Variants in VPS26A observed in about 807,000 individuals in gnomAD.
The protein encoded by VPS26A is VPS26 retromer complex component A, also known as vacuolar protein sorting-associated protein 26A.
VPS26A carries 22 observed loss-of-function variants against 42.4 expected under a neutral mutation model. The ratio of observed to expected loss-of-function variants is 0.52; its 90% CI spans 0.37 to 0.74. The LOEUF is 0.74. Among genes scored for constraint, VPS26A ranks in the 30% least tolerant of loss-of-function variants. The probability of loss-of-function intolerance (pLI) is 0.00; values close to 1 mark genes in which losing one functional copy is unlikely to be tolerated. For missense variants in VPS26A, 276 were observed against 379.2 expected, an observed-to-expected ratio of 0.73 and a Z score of 2.26; for synonymous variants, 110 against 123.5, an observed-to-expected ratio of 0.89 and a Z score of 0.73.
At position 69,136,782 on chromosome 10, in the gene VPS26A, G is replaced by GTTATTTATTTATTTAT. The variant is rs373863330; in HGVS notation, c.153+3746_153+3761dup. Among the ~76,000 whole-genome samples the GTTATTTATTTATTTAT allele has an allele frequency of 2.0e-3, 299 of 151,350 alleles. 2 individuals are homozygous for GTTATTTATTTATTTAT. Among genetic ancestry groups the GTTATTTATTTATTTAT allele is most frequent in the African/African-American group, 6.7e-3 (276 of 41,028 alleles). The stretch of plus-strand genomic sequence containing the variant: ...CCTTTTTCCTTTTTTGGCCTGTTTT[G>GTTATTTATTTATTTAT]TTATTTATTTATTTATTTATTTATT... On this transcript the variant is annotated intron_variant, in intron 2 of 8. Coordinates refer to ENST00000263559, the MANE Select transcript of VPS26A (RefSeq NM_004896.5).
chr10:69,159,715 C>G (rs907101332), intron 5 of VPS26A, among the ~76,000 whole-genome samples: 2 of 152,122 alleles, frequency 1.3e-5, no homozygotes, highest in African/African-American at 4.8e-5. Flanking sequence ...ACTCTTATAT[C>G]TAAAAATATT....
chr10:69,157,930 T>A, intron 4 of VPS26A, 117 bp from the exon 5 acceptor site: 3 of 869,344 alleles, frequency 3.5e-6, no homozygotes, highest in Non-Finnish European at 5.1e-6. Flanking sequence ...AGTAAGTTGA[T>A]CCCAAAGGAG....
At chr10:69,151,184 G>A (rs1841295907) in intron 2 of VPS26A, among the ~76,000 whole-genome samples, 1 of 149,802 alleles carries the variant, frequency 6.7e-6, no homozygotes, top group South Asian at 2.1e-4. Context: ...AGAACGGTGT[G>A]AACCCAGGAG....
intron 2 of VPS26A, among the ~76,000 whole-genome samples, chr10:69,145,738 T>A (rs1054969098): frequency 6.6e-6 from 1 of 151,688 alleles, no homozygotes; most frequent in Non-Finnish European, 1.5e-5. Context: ...TTTTTTTTTT[T>A]AAATAGCCTA....
chr10:69,131,200 G>A (rs982737294), intron 1 of VPS26A, among the ~76,000 whole-genome samples: 4 of 152,220 alleles, frequency 2.6e-5, no homozygotes, highest in African/African-American at 9.6e-5. Context: ...GGCTTGTCCC[G>A]AACTGCTGAC....
intron 2 of VPS26A, among the ~76,000 whole-genome samples, chr10:69,142,562 T>C (rs1841068011): frequency 6.6e-6 from 1 of 152,006 alleles, no homozygotes. Context: ...AAAAAAGTGG[T>C]ATAGATTTGT....
intron 2 of VPS26A, among the ~76,000 whole-genome samples, chr10:69,147,550 T>C (rs1841189171): frequency 6.6e-6 from 1 of 152,228 alleles, no homozygotes; most frequent in Non-Finnish European, 1.5e-5. Flanking sequence ...AGCTTTTACA[T>C]GTAGGTGTTT....
chr10:69,131,698 C>T (rs953314291), intron 1 of VPS26A, among the ~76,000 whole-genome samples: 1 of 150,964 alleles, frequency 6.6e-6, no homozygotes, highest in African/African-American at 2.4e-5. Flanking sequence ...GCACCACTGC[C>T]CTTCAGCCTG....
At chr10:69,157,965 G>A (rs1393874651) in intron 4 of VPS26A, 82 bp from the exon 5 acceptor site, 2 of 1,265,296 alleles carry the variant, frequency 1.6e-6, no homozygotes, top group African/African-American at 3.0e-5. Context: ...AGAAGCCTGA[G>A]TTGCAGTTAA....
intron 2 of VPS26A, among the ~76,000 whole-genome samples, chr10:69,146,872 T>A (rs970577776): frequency 3.9e-5 from 6 of 152,214 alleles, no homozygotes; most frequent in African/African-American, 7.2e-5. Context: ...CCATTATGAA[T>A]AATACTGCTG....
At chr10:69,139,910 A>G (rs1841002431) in intron 2 of VPS26A, among the ~76,000 whole-genome samples, 1 of 152,064 alleles carries the variant, frequency 6.6e-6, no homozygotes. Context: ...TCATTTTCTT[A>G]ATATCGTATA....
intron 1 of VPS26A, among the ~76,000 whole-genome samples, chr10:69,129,188 T>A (rs1840722801): frequency 6.6e-6 from 1 of 152,122 alleles, no homozygotes; most frequent in Admixed American, 6.6e-5. Flanking sequence ...CTTGAAGATG[T>A]TGTCTTCTAC....
chr10:69,167,168 G>A (rs545967837), intron 7 of VPS26A, among the ~76,000 whole-genome samples: 5 of 150,920 alleles, frequency 3.3e-5, no homozygotes, highest in East Asian at 1.9e-4. Context: ...GGTGGCTCAC[G>A]CCTGTAATCC....
intron 2 of VPS26A, among the ~76,000 whole-genome samples, chr10:69,144,591 A>G (rs1351855975): frequency 1.3e-5 from 2 of 152,144 alleles, no homozygotes; most frequent in Non-Finnish European, 2.9e-5. Context: ...GTTTCTCCAT[A>G]TATCTTTGTG....
intron 2 of VPS26A, among the ~76,000 whole-genome samples, chr10:69,144,060 C>T (rs1254917963): frequency 6.6e-6 from 1 of 152,042 alleles, no homozygotes; most frequent in East Asian, 1.9e-4. Flanking sequence ...TTTGCATTAT[C>T]TGTATCCAGC....
At chr10:69,143,742 GGTCTTGCTGT>G (rs1344124991) in intron 2 of VPS26A, among the ~76,000 whole-genome samples, 1 of 151,976 alleles carries the variant, frequency 6.6e-6, no homozygotes, top group Non-Finnish European at 1.5e-5. Context: ...TTTGAGACAG[GGTCTTGCTGT>G]GTCACCCAGG....
chr10:69,151,874 C>T (rs1841321419), intron 2 of VPS26A, among the ~76,000 whole-genome samples: 1 of 152,150 alleles, frequency 6.6e-6, no homozygotes, highest in Admixed American at 6.5e-5. Context: ...CAAATTACTG[C>T]ATGGCTTTTG....
intron 8 of VPS26A, chr10:69,170,067 A>G (rs374967190): frequency 1.3e-5 from 2 of 152,352 alleles, no homozygotes; most frequent in African/African-American, 2.4e-5. Context: ...ATGTCAGTTG[A>G]GTGTTCAAAG....
intron 2 of VPS26A, among the ~76,000 whole-genome samples, chr10:69,147,085 C>T (rs1424331377): frequency 2.0e-5 from 3 of 152,148 alleles, no homozygotes; most frequent in African/African-American, 7.2e-5. Flanking sequence ...GCAACACTTA[C>T]TAATATGTCT....
Sources: allele counts gnomAD v4.1 joint callset (sites outside exome capture counted in the v4.1 genomes callset), GRCh38; gene constraint gnomAD v4.1.1; transcripts MANE v1.5; gene names NCBI Gene and HGNC (gene_info 2026-07-23, HGNC 2026-07-21).